DGKG: variants seen among roughly 807,000 people sequenced by gnomAD.
The protein encoded by DGKG is DAG kinase gamma.
In DGKG, 78 loss-of-function variants were observed where a neutral mutation model predicts 105.3. The observed-to-expected ratio is 0.74, with a 90% CI of 0.62 to 0.89. DGKG has a LOEUF of 0.89. DGKG is among the 40% of genes least tolerant of loss of function. The pLI, the probability that DGKG is intolerant of heterozygous loss-of-function variation, is 0.00. For synonymous variants in DGKG, 346 were observed against 367.1 expected (o/e 0.94, Z 0.66); for missense variants, 958 against 1,020.1 (o/e 0.94, Z 0.83).
At position 186,286,361 on chromosome 3, in the gene DGKG, A is replaced by G. The variant is rs181234090; in HGVS notation, c.545-1652T>C. Among the ~76,000 whole-genome samples the G allele has an allele frequency of 5.3e-5, 8 of 152,276 alleles. No individual in the cohort carries two copies. In the East Asian group the frequency reaches 1.4e-3, roughly 26 times the overall value. On this transcript the variant is annotated intron_variant, in intron 6 of 24. Coordinates refer to ENST00000265022, the MANE Select transcript of DGKG (RefSeq NM_001346.3). ...GACTCTGGGCCTAGGCGACTCTCCA[A>G]CGCTGACCTCTCTCTGGTCCTATTG...
chr3:186,267,577 A>G (rs1722115916), intron 13 of DGKG, 108 bp downstream of exon 13: 1 of 836,256 alleles, frequency 1.2e-6, no homozygotes, highest in Non-Finnish European at 2.0e-6. Context: ...CACAAACCCA[A>G]AGAGTTGTCA....
intron 24 of DGKG, among the ~76,000 whole-genome samples, chr3:186,153,563 G>A (rs1354889167): frequency 1.3e-5 from 2 of 152,164 alleles, no homozygotes; most frequent in Non-Finnish European, 2.9e-5. Flanking sequence ...ATAGTTCGAA[G>A]TTCACAAAAC....
chr3:186,223,268 A>C (rs998328862), intron 20 of DGKG, among the ~76,000 whole-genome samples: 1 of 151,628 alleles, frequency 6.6e-6, no homozygotes, highest in Admixed American at 6.6e-5. Flanking sequence ...AGTTCTACTT[A>C]GGAGGGGAAT....
chr3:186,176,329 A>G lies in DGKG; in HGVS notation c.2096-11311T>C, dbSNP rs576499956. 2.6e-5 allele frequency among the ~76,000 whole-genome samples: 4 copies of G among 152,268 alleles called. No homozygotes were observed. In the South Asian group the frequency reaches 6.2e-4, roughly 24 times the overall value. Reference sequence around the variant, plus strand: ...ATCCTGATTCTCAGGCGTGGCATATACAAGGTACATTCCAGAGATCTGCAC... The same window carrying G: ...ATCCTGATTCTCAGGCGTGGCATATGCAAGGTACATTCCAGAGATCTGCAC... On this transcript the variant is annotated intron_variant, in intron 22 of 24. Transcript: ENST00000265022.
chr3:186,239,398 G>A (rs903936558), intron 20 of DGKG, among the ~76,000 whole-genome samples: 4 of 152,210 alleles, frequency 2.6e-5, no homozygotes, highest in Admixed American at 6.5e-5. Context: ...CAAATCCTGG[G>A]TATCAAGCTT....
intron 24 of DGKG, chr3:186,159,566 A>C (rs1005553195): frequency 6.6e-6 from 1 of 152,134 alleles, no homozygotes; most frequent in Non-Finnish European, 1.5e-5. Context: ...TTCTAATTTC[A>C]CTGGTTTCCA....
At chr3:186,344,678 A>G (rs1428142196) in intron 1 of DGKG, among the ~76,000 whole-genome samples, 1 of 152,188 alleles carries the variant, frequency 6.6e-6, no homozygotes, top group Non-Finnish European at 1.5e-5. Flanking sequence ...TAATCTGTAC[A>G]ACAACCCCCC....
At chr3:186,184,478 C>A (rs1436925014) in intron 22 of DGKG, among the ~76,000 whole-genome samples, 2 of 149,508 alleles carry the variant, frequency 1.3e-5, no homozygotes, top group Non-Finnish European at 3.0e-5. Flanking sequence ...CAGCTCACTG[C>A]AACCTCCGCC....
Position 186,158,865 on chromosome 3 carries a change from AT to A in DGKG, c.2277+2737del, listed in dbSNP as rs550827226. 4,480 of 948,298 alleles carry A rather than the reference AT, an allele frequency of 4.7e-3. 16 individuals are homozygous for A. The highest frequency in any genetic ancestry group is 7.4e-3 in the South Asian group (151 of 20,464). The allele number at this position is 948,298 out of a possible 1,614,324, so 58.7% of individuals were successfully genotyped here. On this transcript the variant is annotated intron_variant, in intron 24 of 24. Coordinates refer to ENST00000265022, the MANE Select transcript of DGKG (RefSeq NM_001346.3). ...GAATGTACTTTTTATCAAATAAAAA[AT>A]GTGTTTACTTATTCTGCTTTATGCT... is the stretch of plus-strand genomic sequence containing the variant.
chr3:186,342,762 G>T (rs73885855), intron 1 of DGKG, among the ~76,000 whole-genome samples: 87 of 152,186 alleles, frequency 5.7e-4, no homozygotes, highest in African/African-American at 2.0e-3. Context: ...AGTCTAAAAA[G>T]TTAAAAAGAA....
At chr3:186,205,498 T>C (rs968385500) in intron 21 of DGKG, among the ~76,000 whole-genome samples, 1 of 151,810 alleles carries the variant, frequency 6.6e-6, no homozygotes, top group Non-Finnish European at 1.5e-5. Flanking sequence ...TCACCTGAGG[T>C]TAGGAGTTCA....
chr3:186,178,769 G>A (rs991646076), intron 22 of DGKG, among the ~76,000 whole-genome samples: 5 of 152,150 alleles, frequency 3.3e-5, no homozygotes, highest in African/African-American at 1.2e-4. Flanking sequence ...AATTTGAGTT[G>A]GGTCAGGACC....
chr3:186,277,151 A>G (rs571262232), intron 9 of DGKG, among the ~76,000 whole-genome samples: 2 of 150,560 alleles, frequency 1.3e-5, no homozygotes, highest in South Asian at 2.1e-4. Context: ...TGATTCATTC[A>G]TTTATTCGTT....
At chr3:186,251,107 C>T (rs1453788900) in intron 19 of DGKG, among the ~76,000 whole-genome samples, 1 of 144,652 alleles carries the variant, frequency 6.9e-6, no homozygotes, top group African/African-American at 2.8e-5. Context: ...GTGTGCATGG[C>T]AGTGGGGGGC....
intron 22 of DGKG, among the ~76,000 whole-genome samples, chr3:186,171,398 A>G (rs1475706100): frequency 6.6e-6 from 1 of 152,218 alleles, no homozygotes; most frequent in African/African-American, 2.4e-5. Context: ...GCAGTTATCA[A>G]TGGGGGATTG....
rs925467924 is a variant in DGKG, at chr3:186,231,839, T to C, written c.1826+10665A>G. Among the ~76,000 whole-genome samples, 2 of 152,128 alleles carry C rather than the reference T, an allele frequency of 1.3e-5. No individual in the cohort carries two copies. Among genetic ancestry groups the C allele is most frequent in the African/African-American group, 4.8e-5 (2 of 41,426 alleles). On this transcript the variant is annotated intron_variant, in intron 20 of 24. Transcript: ENST00000265022. The surrounding 1 kb of genome is among the most constrained non-coding windows in gnomAD (Gnocchi z 4.5). ...AGGAGGCTGAGGCAGGAGAATTGCTTGAACCCTGAAGGCGGCCATGTCAGT... is the reference window on the plus strand; with the variant it reads ...AGGAGGCTGAGGCAGGAGAATTGCTCGAACCCTGAAGGCGGCCATGTCAGT...
At chr3:186,307,044 C>T (rs1724278806) in intron 2 of DGKG, 67 bp from the exon 3 acceptor site, 2 of 1,089,812 alleles carry the variant, frequency 1.8e-6, no homozygotes, top group East Asian at 2.4e-5. Context: ...CAAGTAAATT[C>T]TCCCTGTGTA....
chr3:186,147,957 G>C lies in DGKG; in HGVS notation c.*2133C>G, dbSNP rs1715578248. ...CTTACTTAGCATTCTGCACTGTTAG[G>C]TTGAGCAGAATGGTCCAAGATCTTG... On this transcript the variant is annotated 3_prime_UTR_variant, in exon 25 of 25. Transcript: ENST00000265022. 1 of 985,314 alleles carries C rather than the reference G, an allele frequency of 1.0e-6. No individual in the cohort carries two copies. The highest frequency in any genetic ancestry group is 1.7e-5 in the African/African-American group (1 of 57,212). 61.0% of individuals were successfully genotyped at this position (985,314 alleles called of 1,614,324 possible). A position where few individuals can be genotyped will look rare whatever the true frequency, so the allele number is the denominator to read the frequency against.
intron 17 of DGKG, among the ~76,000 whole-genome samples, chr3:186,255,907 T>G (rs9816818): frequency 0.14 from 21,438 of 152,172 alleles, 1,910 homozygotes; most frequent in African/African-American, 0.25. Context: ...TTTTTTCTCT[T>G]TGGGTCACTA....
Sources: allele counts gnomAD v4.1 joint callset (sites outside exome capture counted in the v4.1 genomes callset), GRCh38; gene constraint gnomAD v4.1.1; non-coding constraint Gnocchi (gnomAD v3.1); transcripts MANE v1.5; gene names NCBI Gene and HGNC (gene_info 2026-07-23, HGNC 2026-07-21).